Variants in COPG2 observed in about 807,000 individuals in gnomAD.
The protein encoded by COPG2 is coatomer subunit gamma-2.
Under a neutral mutation model 46.3 loss-of-function variants are expected in COPG2, and 37 were observed. That is an observed-to-expected ratio of 0.80 (90% CI 0.61 to 1.05). The LOEUF (loss-of-function observed/expected upper bound fraction) is 1.05, where lower values mean the gene tolerates loss of function less well. COPG2 is among the 50% of genes least tolerant of loss of function. The pLI, the probability that COPG2 is intolerant of heterozygous loss-of-function variation, is 0.00. For missense variants in COPG2, 427 were observed against 387.8 expected, an observed-to-expected ratio of 1.10 and a Z score of -0.85; for synonymous variants, 159 against 129.7, an observed-to-expected ratio of 1.23 and a Z score of -1.53.
intron 5 of COPG2, chr7:130,645,189 A>G: frequency 1.5e-6 from 1 of 646,394 alleles, no homozygotes; most frequent in Non-Finnish European, 2.9e-6. Flanking sequence ...ACGTATTCAG[A>G]GAGTACCCCC....
intron 9 of COPG2, among the ~76,000 whole-genome samples, chr7:130,578,136 C>T (rs1373733959): frequency 5.3e-5 from 8 of 151,266 alleles, no homozygotes; most frequent in East Asian, 2.0e-4. Context: ...TCTCCCAGCA[C>T]GCAGCTGGAG....
chr7:130,645,346 A>G (rs1222476951), intron 5 of COPG2: 1 of 566,050 alleles, frequency 1.8e-6, no homozygotes, highest in Non-Finnish European at 3.6e-6. Context: ...GCCTTCTACT[A>G]CATTGTTAGA....
At chr7:130,571,832 G>A (rs372682006) in intron 9 of COPG2, among the ~76,000 whole-genome samples, 23 of 129,150 alleles carry the variant, frequency 1.8e-4, no homozygotes, top group Admixed American at 1.1e-3. Context: ...AAGAAAATGC[G>A]CCCTCTCTCT....
At chr7:130,508,461 T>G (rs1265979214) in intron 21 of COPG2, 101 bp downstream of exon 21, 2 of 647,632 alleles carry the variant, frequency 3.1e-6, no homozygotes, top group Non-Finnish European at 2.8e-6. Flanking sequence ...AGAAATCCCT[T>G]AAGTTTATGT....
Position 130,576,797 on chromosome 7 carries a change from C to A in COPG2, c.738-12404G>T, listed in dbSNP as rs542239103. ...AATGAAATTGAAACAAACAAACAAA[C>A]AAAAAAATACCAAAGGTAAATAAAA... On this transcript the variant is annotated intron_variant, in intron 9 of 23. Coordinates refer to ENST00000425248, the MANE Select transcript of COPG2 (RefSeq NM_012133.6). Among the ~76,000 whole-genome samples, 743 of 151,350 alleles carry A rather than the reference C, an allele frequency of 4.9e-3. 3 individuals carry two copies. Among genetic ancestry groups the A allele is most frequent in the African/African-American group, 0.017 (704 of 41,234 alleles).
chr7:130,652,451 G>A (rs1341513301), intron 5 of COPG2, among the ~76,000 whole-genome samples: 1 of 151,910 alleles, frequency 6.6e-6, no homozygotes, highest in African/African-American at 2.4e-5. Flanking sequence ...TATGTTTTTT[G>A]GTTACTAGTG....
At chr7:130,509,942 A>G (rs1418957316) in intron 20 of COPG2, 1 of 471,348 alleles carries the variant, frequency 2.1e-6, no homozygotes, top group East Asian at 6.5e-5. Context: ...GAAGATGTAC[A>G]AACAGGCAAA....
Position 130,636,093 on chromosome 7 carries a change from T to A in COPG2, c.323+16776A>T, listed in dbSNP as rs542087462. Among the ~76,000 whole-genome samples, 3 of 152,322 alleles carry A rather than the reference T, an allele frequency of 2.0e-5. No homozygotes were observed. The South Asian group carries it at 6.2e-4, about 32-fold the overall frequency. ...CTGTTTCTTATGATTTCTGTTCTTT[T>A]GCATTTGCTGAGGAGTGTTTTACTT... On this transcript the variant is annotated intron_variant, in intron 5 of 23. Transcript: ENST00000425248.
chr7:130,648,813 A>AG (rs1280710862), intron 5 of COPG2, among the ~76,000 whole-genome samples: 2 of 152,296 alleles, frequency 1.3e-5, no homozygotes, highest in African/African-American at 4.8e-5. Flanking sequence ...AAGGGTAACC[A>AG]GCGTGTATTT....
chr7:130,545,793 T>C (rs1453438687), intron 20 of COPG2, among the ~76,000 whole-genome samples: 1 of 152,174 alleles, frequency 6.6e-6, no homozygotes, highest in Admixed American at 6.5e-5. Flanking sequence ...GTAAGATCTA[T>C]GTTTTAAAAC....
At chr7:130,644,179 C>T (rs1322222616) in intron 5 of COPG2, among the ~76,000 whole-genome samples, 7 of 152,142 alleles carry the variant, frequency 4.6e-5, no homozygotes, top group Non-Finnish European at 1.0e-4. Flanking sequence ...CTTGGACTCA[C>T]GTCAATCTAA....
intron 20 of COPG2, chr7:130,509,183 T>G: frequency 2.2e-6 from 1 of 454,568 alleles, no homozygotes; most frequent in South Asian, 1.6e-5. Context: ...TCTGTCAACC[T>G]TCAGCCTAAA....
intron 5 of COPG2, among the ~76,000 whole-genome samples, chr7:130,641,479 G>T (rs1795487513): frequency 6.6e-6 from 1 of 152,144 alleles, no homozygotes. Flanking sequence ...TCAAAGAGGA[G>T]AGGAAATCCA....
intron 12 of COPG2, among the ~76,000 whole-genome samples, chr7:130,558,201 T>C (rs1793662306): frequency 6.6e-6 from 1 of 152,132 alleles, no homozygotes; most frequent in African/African-American, 2.4e-5. Flanking sequence ...TGTTGAATTG[T>C]AATCGCCAGT....
chr7:130,662,593 C>T (rs1306570769), intron 4 of COPG2, among the ~76,000 whole-genome samples: 1 of 152,144 alleles, frequency 6.6e-6, no homozygotes, highest in Non-Finnish European at 1.5e-5. Context: ...ACTCCACATC[C>T]AGCTCTTCTT....
At chr7:130,665,509 G>A (rs782531740) in intron 3 of COPG2, among the ~76,000 whole-genome samples, 7 of 152,098 alleles carry the variant, frequency 4.6e-5, no homozygotes, top group South Asian at 4.2e-4. Flanking sequence ...TACTGAACAC[G>A]TACAGATGGT....
intron 19 of COPG2, 130 bp downstream of exon 19, chr7:130,548,273 A>G (rs1054786225): frequency 2.5e-6 from 1 of 396,652 alleles, no homozygotes; most frequent in Non-Finnish European, 4.4e-6. Context: ...TCTGGTGTTA[A>G]GCAAGAAAAC....
rs1484345554 is a variant in COPG2, at chr7:130,567,426, G to A, written c.738-3033C>T. ...AAGGAAAACTTCCCCGGCCTTGCAA[G>A]AGACCTAGACATCCAAATACAAGAA... On this transcript the variant is annotated intron_variant, in intron 9 of 23. Transcript: ENST00000425248. 2.6e-5 allele frequency among the ~76,000 whole-genome samples: 4 copies of A among 152,302 alleles called. No individual in the cohort carries two copies. In the East Asian group the frequency reaches 7.7e-4, roughly 29 times the overall value.
In COPG2 at chr7:130,607,852, C is replaced by A. The variant is rs370537620; in HGVS notation, c.737+3101G>T. 1,378 of 517,412 alleles carry A rather than the reference C, an allele frequency of 2.7e-3. 4 individuals are homozygous for A. The highest frequency in any genetic ancestry group is 4.5e-3 in the Non-Finnish European group (1,167 of 258,980). The allele number at this position is 517,412 out of a possible 1,614,324, so 32.1% of individuals were successfully genotyped here. ...TCAGGAGAATAGCAAAAAAACCCCA[C>A]AAATTTCACCCAGTATAGCTTTTGT... On this transcript the variant is annotated intron_variant, in intron 9 of 23. Coordinates refer to ENST00000425248, the MANE Select transcript of COPG2 (RefSeq NM_012133.6).
Sources: allele counts gnomAD v4.1 joint callset (sites outside exome capture counted in the v4.1 genomes callset), GRCh38; gene constraint gnomAD v4.1.1; transcripts MANE v1.5; gene names NCBI Gene and HGNC (gene_info 2026-07-23, HGNC 2026-07-21).